GPHN: variants seen among roughly 807,000 people sequenced by gnomAD.
GPHN encodes gephyrin.
Under a neutral mutation model 95.5 loss-of-function variants are expected in GPHN, and 17 were observed. The ratio of observed to expected loss-of-function variants is 0.18; its 90% confidence interval spans 0.12 to 0.27. The LOEUF (loss-of-function observed/expected upper bound fraction) is 0.27, where lower values mean the gene tolerates loss of function less well. Ranked by LOEUF, GPHN falls within the 10% of genes least tolerant of loss-of-function variation. The pLI is 1.00. For missense variants in GPHN, 660 were observed against 978.1 expected (o/e 0.67, Z 4.34); for synonymous variants, 320 against 322.5 (o/e 0.99, Z 0.08).
At chr14:67,391,269 ATATGTGTGTG>A in the GPHN span, among the ~76,000 whole-genome samples, 2 of 139,646 alleles carry the variant, frequency 1.4e-5, no homozygotes, top group African/African-American at 5.9e-5. Flanking sequence ...TAAGCAGCTG[ATATGTGTGTG>A]TGTGTGTGTG....
intron 5 of GPHN, among the ~76,000 whole-genome samples, chr14:66,902,485 T>C (rs1163355911): frequency 6.6e-6 from 1 of 152,148 alleles, no homozygotes; most frequent in Non-Finnish European, 1.5e-5. Context: ...CTTTTCAGTA[T>C]GCTAGTAACT....
the GPHN span, among the ~76,000 whole-genome samples, chr14:67,568,612 A>AT: frequency 6.6e-6 from 1 of 152,086 alleles, no homozygotes; most frequent in Non-Finnish European, 1.5e-5. Flanking sequence ...CAAACAAATT[A>AT]TTTTTTAAAA....
At chr14:67,697,456 G>T in the GPHN span, among the ~76,000 whole-genome samples, 1 of 152,244 alleles carries the variant, frequency 6.6e-6, no homozygotes, top group Non-Finnish European at 1.5e-5. Flanking sequence ...CGTCTAGGGA[G>T]AAGGGAGAGT....
the GPHN span, among the ~76,000 whole-genome samples, chr14:67,680,431 A>G: frequency 6.6e-6 from 1 of 152,208 alleles, no homozygotes; most frequent in Admixed American, 6.5e-5. Context: ...GGTTCCTTGT[A>G]GGCTATAAAA....
In GPHN at chr14:67,058,799, T is replaced by G; in HGVS notation, c.1144+13T>G. On this transcript the variant is annotated intron_variant, in intron 11 of 22. Coordinates refer to ENST00000478722, the MANE Select transcript of GPHN (RefSeq NM_020806.5). The stretch of plus-strand genomic sequence containing the variant: ...ATCAATTACCGAGGTACTATTATAT[T>G]TGACCATTGCCCTTTCTTTTCTTCA... 6.2e-7 allele frequency: 1 copy of G among 1,610,714 alleles called. No individual in the cohort carries two copies. Among genetic ancestry groups the G allele is most frequent in the Non-Finnish European group, 8.5e-7 (1 of 1,177,098 alleles).
At chr14:66,758,300 A>C (rs1595805834) in intron 2 of GPHN, among the ~76,000 whole-genome samples, 1 of 152,284 alleles carries the variant, frequency 6.6e-6, no homozygotes, top group East Asian at 1.9e-4. Flanking sequence ...CCCACCCCCT[A>C]TCTGCCTAGG....
At position 66,573,864 on chromosome 14, in the gene GPHN, A is replaced by G. The variant is rs531641410; in HGVS notation, c.64+65273A>G. 2.6e-3 allele frequency among the ~76,000 whole-genome samples: 393 copies of G among 151,958 alleles called. 5 individuals are homozygous for G. Among genetic ancestry groups the G allele is most frequent in the African/African-American group, 8.9e-3 (370 of 41,460 alleles). On this transcript the variant is annotated intron_variant, in intron 1 of 22. Coordinates refer to ENST00000478722, the MANE Select transcript of GPHN (RefSeq NM_020806.5). The stretch of plus-strand genomic sequence containing the variant: ...CCATTTCCCTGGGGTACCTTTTGCT[A>G]TCCTTTCACATTCAACCAATTTGTG...
chr14:67,487,466 A>G, the GPHN span, among the ~76,000 whole-genome samples: 1 of 152,202 alleles, frequency 6.6e-6, no homozygotes, highest in Non-Finnish European at 1.5e-5. Flanking sequence ...ATATAATTTT[A>G]GAATCCAGCT....
At chr14:67,321,155 A>T in the GPHN span, 10 of 1,614,222 alleles carry the variant, frequency 6.2e-6, no homozygotes, top group Admixed American at 3.3e-5. Context: ...TGGAAAGTTC[A>T]TTGAGCATGG....
At position 66,910,656 on chromosome 14, in the gene GPHN, G is replaced by A. The variant is rs575773404; in HGVS notation, c.390-5347G>A. On this transcript the variant is annotated intron_variant, in intron 5 of 22. Transcript: ENST00000478722. ...CACATATGTATATATATGTCTCTAT[G>A]TATGTGGGTATGCATATATGCATAT... is the stretch of plus-strand genomic sequence containing the variant. 3.9e-5 allele frequency among the ~76,000 whole-genome samples: 6 copies of A among 152,028 alleles called. No homozygotes were observed. The East Asian group carries it at 9.6e-4, about 24-fold the overall frequency.
chr14:67,160,549 A>C (rs1405141045), intron 19 of GPHN, among the ~76,000 whole-genome samples: 1 of 152,190 alleles, frequency 6.6e-6, no homozygotes, highest in African/African-American at 2.4e-5. Flanking sequence ...AGATATGGCC[A>C]TATCTTTAAG....
the GPHN span, among the ~76,000 whole-genome samples, chr14:67,225,460 G>A: frequency 6.6e-6 from 1 of 152,166 alleles, no homozygotes; most frequent in Non-Finnish European, 1.5e-5. Flanking sequence ...GATAACATCA[G>A]CACAGGGAGG....
intron 2 of GPHN, among the ~76,000 whole-genome samples, chr14:66,742,534 A>G (rs564021593): frequency 4.6e-5 from 7 of 151,708 alleles, no homozygotes; most frequent in Admixed American, 4.6e-4. Context: ...TCAATATCCC[A>G]CCCCCATAGT....
At chr14:67,138,492 C>T (rs959291048) in intron 17 of GPHN, among the ~76,000 whole-genome samples, 1 of 152,072 alleles carries the variant, frequency 6.6e-6, no homozygotes, top group Non-Finnish European at 1.5e-5. Context: ...TACCTATTTC[C>T]TCTTATCACT....
chr14:66,570,395 C>T (rs2060638534), intron 1 of GPHN, among the ~76,000 whole-genome samples: 1 of 150,934 alleles, frequency 6.6e-6, no homozygotes, highest in Non-Finnish European at 1.5e-5. Flanking sequence ...ATCTCTGCCT[C>T]CCGGGTTCAA....
At chr14:67,445,289 C>T in the GPHN span, among the ~76,000 whole-genome samples, 1 of 152,020 alleles carries the variant, frequency 6.6e-6, no homozygotes, top group Non-Finnish European at 1.5e-5. Flanking sequence ...TGTGGGTGTC[C>T]TGGGGACCCA....
the GPHN span, chr14:67,600,272 C>A: frequency 2.3e-6 from 3 of 1,314,704 alleles, no homozygotes; most frequent in Non-Finnish European, 3.0e-6. Flanking sequence ...CCGTCTCGCC[C>A]GCTCCAGACC....
chr14:67,157,303 GGA>G (rs1315585615), intron 18 of GPHN, among the ~76,000 whole-genome samples: 1 of 151,732 alleles, frequency 6.6e-6, no homozygotes, highest in Non-Finnish European at 1.5e-5. Context: ...TAATTCATCA[GGA>G]ATATGTAAGT....
the GPHN span, among the ~76,000 whole-genome samples, chr14:67,507,876 C>A: frequency 6.6e-6 from 1 of 152,128 alleles, no homozygotes; most frequent in Admixed American, 6.6e-5. Flanking sequence ...TGTTGGCTCA[C>A]GCCTGTAGTC....
Sources: gnomAD v4.1 joint callset for allele counts (sites outside exome capture counted in the v4.1 genomes callset) on GRCh38, gnomAD v4.1.1 for gene constraint, MANE v1.5 for transcripts, NCBI Gene and HGNC (gene_info 2026-07-23, HGNC 2026-07-21) for gene names.